The following ANO3 variants were observed in gnomAD, a reference collection of about 807,000 sequenced individuals.
The protein encoded by ANO3 is anoctamin 3.
A neutral mutation model predicts 144.8 loss-of-function variants in ANO3; 99 were observed. The observed-to-expected ratio is 0.68, with a 90% CI of 0.58 to 0.81. The LOEUF (loss-of-function observed/expected upper bound fraction) is 0.81. Ranked by LOEUF, ANO3 falls within the 30% of genes least tolerant of loss-of-function variation. The pLI, the probability that ANO3 is intolerant of heterozygous loss-of-function variation, is 0.00. For synonymous variants in ANO3, 414 were observed against 392.6 expected, an observed-to-expected ratio of 1.05 and a Z score of -0.64; for missense variants, 905 against 1,202.2, an observed-to-expected ratio of 0.75 and a Z score of 3.66.
chr11:26,227,342 A>G (rs1852277606), intron 1 of ANO3, among the ~76,000 whole-genome samples: 1 of 152,204 alleles, frequency 6.6e-6, no homozygotes, highest in Non-Finnish European at 1.5e-5. Flanking sequence ...TGCATCAGAC[A>G]TCTGCCTCCA....
chr11:26,391,974 A>C (rs550195987), intron 1 of ANO3, among the ~76,000 whole-genome samples: 1 of 11,126 alleles, frequency 9.0e-5, no homozygotes, highest in African/African-American at 4.0e-4. Flanking sequence ...TGCTGTGTCC[A>C]AAAAATGTCG....
chr11:26,338,970 A>G lies in ANO3; in HGVS notation c.46+6649A>G, dbSNP rs546421493. 2.0e-5 allele frequency among the ~76,000 whole-genome samples: 3 copies of G among 152,370 alleles called. No individual in the cohort carries two copies. In the East Asian group the frequency reaches 5.8e-4, roughly 29 times the overall value. Reference sequence around the variant, plus strand: ...AAATTCCGGACACACCATTGTTCCCAAAGTTCAAAGATGCACTAACTGCAT... The same window carrying G: ...AAATTCCGGACACACCATTGTTCCCGAAGTTCAAAGATGCACTAACTGCAT... On this transcript the variant is annotated intron_variant, in intron 1 of 26. Transcript: ENST00000256737.
intron 4 of ANO3, among the ~76,000 whole-genome samples, chr11:26,466,300 G>A (rs1222005573): frequency 6.6e-6 from 1 of 151,886 alleles, no homozygotes; most frequent in Non-Finnish European, 1.5e-5. Flanking sequence ...TTTACAATAG[G>A]AGTTATATTT....
chr11:26,370,126 T>C (rs189216563), intron 1 of ANO3, among the ~76,000 whole-genome samples: 1 of 152,302 alleles, frequency 6.6e-6, no homozygotes. Context: ...AGTCTTGAAT[T>C]GTAGTTCCCA....
chr11:26,452,597 C>T (rs1858988719), intron 3 of ANO3, among the ~76,000 whole-genome samples: 1 of 152,166 alleles, frequency 6.6e-6, no homozygotes, highest in South Asian at 2.1e-4. Flanking sequence ...ACCAAATCTA[C>T]ATCTGATTGG....
intron 5 of ANO3, chr11:26,508,782 A>AT (rs1429584242): frequency 6.7e-6 from 1 of 150,002 alleles, no homozygotes; most frequent in Non-Finnish European, 1.5e-5. Flanking sequence ...ATCAGAGAAA[A>AT]TTTAAAAAAA....
intron 6 of ANO3, among the ~76,000 whole-genome samples, chr11:26,524,667 C>T (rs964558605): frequency 6.6e-6 from 1 of 152,104 alleles, no homozygotes; most frequent in African/African-American, 2.4e-5. Flanking sequence ...AATTCTGTCA[C>T]CTTAATTTTT....
chr11:26,306,262 C>A (rs1854381333), upstream of ANO3, among the ~76,000 whole-genome samples: 1 of 152,004 alleles, frequency 6.6e-6, no homozygotes, highest in Admixed American at 6.6e-5. Context: ...GCGTGAGCCA[C>A]CGCTCCCGGC....
At chr11:26,433,381 C>T (rs10767533) in intron 1 of ANO3, among the ~76,000 whole-genome samples, 4 of 152,070 alleles carry the variant, frequency 2.6e-5, no homozygotes, top group African/African-American at 9.7e-5. Context: ...AGTTCCCTTT[C>T]TTTCTTTCTC....
At chr11:26,323,927 C>G (rs1314566478) in intron 1 of ANO3, among the ~76,000 whole-genome samples, 4 of 152,310 alleles carry the variant, frequency 2.6e-5, no homozygotes, top group Non-Finnish European at 5.9e-5. Context: ...AACCAGTAGA[C>G]TTAGAAACAC....
chr11:26,256,722 A>G (rs533543851), intron 1 of ANO3, among the ~76,000 whole-genome samples: 13 of 152,292 alleles, frequency 8.5e-5, no homozygotes, highest in African/African-American at 2.4e-4. Context: ...AACGTACACA[A>G]TTAAGCTATT....
intron 3 of ANO3, among the ~76,000 whole-genome samples, chr11:26,450,567 A>G (rs1307024973): frequency 1.3e-5 from 2 of 152,200 alleles, no homozygotes; most frequent in African/African-American, 4.8e-5. Context: ...AAATCATGAT[A>G]TTTATTGGTG....
At chr11:26,591,150 C>T (rs1851439110) in intron 14 of ANO3, among the ~76,000 whole-genome samples, 1 of 152,138 alleles carries the variant, frequency 6.6e-6, no homozygotes, top group Non-Finnish European at 1.5e-5. Flanking sequence ...TCCCCTTCCC[C>T]AGCTAGGCTT....
At chr11:26,524,583 T>C (rs777077134) in intron 6 of ANO3, among the ~76,000 whole-genome samples, 11 of 152,288 alleles carry the variant, frequency 7.2e-5, no homozygotes, top group Middle Eastern at 3.4e-3. Flanking sequence ...AAAGAGGTAT[T>C]TCAGAAGAGC....
At chr11:26,341,403 TA>T in intron 1 of ANO3, among the ~76,000 whole-genome samples, 1 of 152,208 alleles carries the variant, frequency 6.6e-6, no homozygotes, top group East Asian at 1.9e-4. Context: ...TGTTACACAG[TA>T]AGTAATCATG....
intron 12 of ANO3, among the ~76,000 whole-genome samples, chr11:26,549,794 G>A (rs1336584067): frequency 6.6e-6 from 1 of 151,868 alleles, no homozygotes; most frequent in African/African-American, 2.4e-5. Flanking sequence ...CTGGGTTTCA[G>A]AAACCAGGAA....
At chr11:26,403,468 T>C (rs1232276576) in intron 1 of ANO3, among the ~76,000 whole-genome samples, 4 of 151,914 alleles carry the variant, frequency 2.6e-5, no homozygotes, top group Non-Finnish European at 5.9e-5. Context: ...TAATTTCAAA[T>C]TGCAGCTTGA....
At chr11:26,433,557 A>G (rs898681598) in intron 1 of ANO3, among the ~76,000 whole-genome samples, 4 of 152,116 alleles carry the variant, frequency 2.6e-5, no homozygotes. Context: ...TTGTTATTTT[A>G]AAGTATATTT....
At chr11:26,404,115 G>T (rs1363249985) in intron 1 of ANO3, among the ~76,000 whole-genome samples, 3 of 151,748 alleles carry the variant, frequency 2.0e-5, no homozygotes, top group African/African-American at 7.3e-5. Context: ...ATGAAGGAGG[G>T]ATTGTGACTG....
Sources: allele counts gnomAD v4.1 joint callset (sites outside exome capture counted in the v4.1 genomes callset), GRCh38; gene constraint gnomAD v4.1.1; transcripts MANE v1.5; gene names NCBI Gene and HGNC (gene_info 2026-07-23, HGNC 2026-07-21).